TAFA2: variants seen among roughly 807,000 people sequenced by gnomAD.
TAFA2 encodes TAFA chemokine like family member 2.
In TAFA2, 7 loss-of-function variants were observed where a neutral mutation model predicts 18.8. The ratio of observed to expected loss-of-function variants is 0.37; its 90% confidence interval spans 0.21 to 0.70. The LOEUF (loss-of-function observed/expected upper bound fraction) is 0.70. TAFA2 is among the 30% of genes least tolerant of loss of function. The pLI is 0.53. For missense variants in TAFA2, 122 were observed against 158.1 expected, an observed-to-expected ratio of 0.77 and a Z score of 1.23; for synonymous variants, 60 against 54.2, an observed-to-expected ratio of 1.11 and a Z score of -0.47.
intron 1 of TAFA2, among the ~76,000 whole-genome samples, chr12:62,209,463 A>G (rs868010764): frequency 4.6e-5 from 7 of 152,298 alleles, no homozygotes; most frequent in Middle Eastern, 6.8e-3. Context: ...TTCTTTATAA[A>G]TTACCCAGTC....
chr12:61,864,590 G>A (rs1874270974), intron 2 of TAFA2, among the ~76,000 whole-genome samples: 1 of 151,238 alleles, frequency 6.6e-6, no homozygotes, highest in Non-Finnish European at 1.5e-5. Context: ...TGGCTAACAC[G>A]GTGAAACCCC....
chr12:62,189,648 T>C (rs991313583), intron 1 of TAFA2, among the ~76,000 whole-genome samples: 32 of 152,348 alleles, frequency 2.1e-4, no homozygotes, highest in African/African-American at 6.5e-4. Flanking sequence ...TTTAAAGCTT[T>C]AGAAGTGTTT....
chr12:61,724,508 C>A (rs1252193469), intron 4 of TAFA2, among the ~76,000 whole-genome samples: 2 of 151,884 alleles, frequency 1.3e-5, no homozygotes, highest in Non-Finnish European at 2.9e-5. Context: ...ACACTATACC[C>A]AATGTGTAGT....
intron 1 of TAFA2, among the ~76,000 whole-genome samples, chr12:62,150,740 CA>C (rs951378439): frequency 2.0e-5 from 3 of 151,736 alleles, no homozygotes; most frequent in South Asian, 4.2e-4. Flanking sequence ...CCATCTCTAC[CA>C]AAAAAATACA....
At chr12:61,971,278 T>C (rs1428079558) in intron 1 of TAFA2, among the ~76,000 whole-genome samples, 1 of 151,664 alleles carries the variant, frequency 6.6e-6, no homozygotes, top group Non-Finnish European at 1.5e-5. Flanking sequence ...TACAATACTC[T>C]TGAATCCACA....
At chr12:61,864,514 G>T (rs994633018) in intron 2 of TAFA2, among the ~76,000 whole-genome samples, 5 of 151,330 alleles carry the variant, frequency 3.3e-5, no homozygotes, top group Non-Finnish European at 7.4e-5. Context: ...TCAAAAGCTT[G>T]CAGATTCCCA....
In TAFA2 at chr12:61,748,313, G is replaced by A. The variant is rs551959376; in HGVS notation, c.384+5309C>T. Among the ~76,000 whole-genome samples the A allele has an allele frequency of 9.9e-5, 15 of 152,176 alleles. No homozygotes were observed. In the South Asian group the frequency reaches 1.4e-3, roughly 15 times the overall value. ...GTTGCATTAAAATAATTAGAAAAACGCTAAAGGTCATTACAGTCTGTGCTG... is the reference window on the plus strand; with the variant it reads ...GTTGCATTAAAATAATTAGAAAAACACTAAAGGTCATTACAGTCTGTGCTG... On this transcript the variant is annotated intron_variant, in intron 4 of 4. Transcript: ENST00000416284.
At chr12:61,894,957 T>A (rs554829432) in intron 1 of TAFA2, among the ~76,000 whole-genome samples, 1 of 152,246 alleles carries the variant, frequency 6.6e-6, no homozygotes, top group Non-Finnish European at 1.5e-5. Context: ...TTTCTCAGCA[T>A]GTTTACTACC....
rs184630738 is a variant in TAFA2 at position 61,816,181 on chromosome 12, C to T, written c.106+51139G>A. ...CTGCTCCTCTCCCTCCTCTCACCCT[C>T]CACCATCAAGTAGACCCCAGTGTCT... is the stretch of plus-strand genomic sequence containing the variant. On this transcript the variant is annotated intron_variant, in intron 2 of 4. Coordinates refer to ENST00000416284, the MANE Select transcript of TAFA2 (RefSeq NM_178539.5). 5.0e-4 allele frequency among the ~76,000 whole-genome samples: 76 copies of T among 151,308 alleles called. 5 individuals carry two copies. Among genetic ancestry groups the T allele is most frequent in the African/African-American group, 1.8e-3 (74 of 40,642 alleles).
chr12:61,710,026 A>C lies in TAFA2; in HGVS notation c.*380T>G. The C allele has an allele frequency of 4.9e-6, 1 of 204,392 alleles. No individual in the cohort carries two copies. The highest frequency in any genetic ancestry group is 9.9e-6 in the Non-Finnish European group (1 of 101,204). The allele number at this position is 204,392 out of a possible 1,614,324, so 12.7% of individuals were successfully genotyped here. A position where few individuals can be genotyped will look rare whatever the true frequency, so the allele number is the denominator to read the frequency against. On this transcript the variant is annotated 3_prime_UTR_variant, in exon 5 of 5. Transcript: ENST00000416284. ...AGGAACACATCCAGGACAGAAGGAC[A>C]GTGCACTTGGGATACAGCTTGCAGA... is the stretch of plus-strand genomic sequence containing the variant.
At chr12:61,751,226 G>T (rs78357786) in intron 4 of TAFA2, among the ~76,000 whole-genome samples, 15,614 of 151,938 alleles carry the variant, frequency 0.1, 1,048 homozygotes, top group East Asian at 0.2. Context: ...AGCAATAATA[G>T]CCTGATGACC....
At chr12:62,252,406 A>C (rs2062918386) in intron 1 of TAFA2, 1 of 152,232 alleles carries the variant, frequency 6.6e-6, no homozygotes. Flanking sequence ...TTTAAAGTTC[A>C]CTGGGCCTCT....
chr12:62,150,364 T>C (rs1290720421), intron 1 of TAFA2, among the ~76,000 whole-genome samples: 1 of 152,170 alleles, frequency 6.6e-6, no homozygotes, highest in Non-Finnish European at 1.5e-5. Context: ...TAAAATAAAT[T>C]AGCATATTCT....
chr12:62,257,214 C>G (rs1054703548), intron 1 of TAFA2, among the ~76,000 whole-genome samples: 1 of 119,474 alleles, frequency 8.4e-6, no homozygotes, highest in Non-Finnish European at 1.8e-5. Context: ...TTTGCTAAGT[C>G]CACTCAAATT....
intron 2 of TAFA2, among the ~76,000 whole-genome samples, chr12:61,772,871 A>T (rs541984060): frequency 6.6e-6 from 1 of 152,040 alleles, no homozygotes; most frequent in Admixed American, 6.6e-5. Context: ...TCACTCAGAC[A>T]AGAGAAAGGA....
intron 1 of TAFA2, among the ~76,000 whole-genome samples, chr12:61,963,483 A>T (rs1183728635): frequency 6.6e-6 from 1 of 152,012 alleles, no homozygotes; most frequent in Admixed American, 6.6e-5. Flanking sequence ...TGTTGGCTGC[A>T]TAAATGTCTT....
At chr12:62,063,191 C>T (rs766178759) in intron 1 of TAFA2, among the ~76,000 whole-genome samples, 4 of 152,152 alleles carry the variant, frequency 2.6e-5, no homozygotes, top group Admixed American at 6.5e-5. Context: ...TGACTTGACT[C>T]TATGGTGGTC....
intron 1 of TAFA2, among the ~76,000 whole-genome samples, chr12:62,025,311 C>T (rs1881276771): frequency 6.6e-6 from 1 of 152,050 alleles, no homozygotes; most frequent in Non-Finnish European, 1.5e-5. Context: ...GTACTATGCT[C>T]AGTACCTGGG....
chr12:61,859,474 C>T (rs920124661), intron 2 of TAFA2, among the ~76,000 whole-genome samples: 11 of 132,848 alleles, frequency 8.3e-5, no homozygotes, highest in African/African-American at 2.8e-4. Context: ...GATGGAGTCT[C>T]GCTCTGTCGC....
Sources: gnomAD v4.1 joint callset for allele counts (sites outside exome capture counted in the v4.1 genomes callset) on GRCh38, gnomAD v4.1.1 for gene constraint, MANE v1.5 for transcripts, NCBI Gene and HGNC (gene_info 2026-07-23, HGNC 2026-07-21) for gene names.